The following ABCA13 variants were observed in gnomAD, a reference collection of about 807,000 sequenced individuals.
ABCA13 encodes ATP-binding cassette sub-family A member 13.
ABCA13 carries 476 observed loss-of-function variants against 478.7 expected under a neutral mutation model. That is an observed-to-expected ratio of 0.99 (90% CI 0.92 to 1.07). The LOEUF (loss-of-function observed/expected upper bound fraction) is 1.07, where lower values mean the gene tolerates loss of function less well. Among genes scored for constraint, ABCA13 ranks in the 50% least tolerant of loss-of-function variants. The pLI is 0.00. For missense variants in ABCA13, 6,060 were observed against 5,910.6 expected, an observed-to-expected ratio of 1.03 and a Z score of -0.83; for synonymous variants, 2,252 against 2,158.9, an observed-to-expected ratio of 1.04 and a Z score of -1.20.
rs200327749 is a variant in ABCA13, at chr7:48,272,603, G to T, written c.2937G>T (p.Gln979His). 3.1e-6 allele frequency: 5 copies of T among 1,613,080 alleles called. No individual in the cohort carries two copies. The Admixed American group carries it at 8.3e-5, about 27-fold the overall frequency. ...YRYIYELLNI[Q>H]SRGSSLTFLT... is the part of the protein sequence containing the mutation. Reference sequence around the variant, plus strand: ...ATATTTATGAATTATTGAATATTCAGAGTAGAGGCTCTTCGTTGACTTTCC... The same window carrying T: ...ATATTTATGAATTATTGAATATTCATAGTAGAGGCTCTTCGTTGACTTTCC... Residue 979 changes from glutamine to histidine, a missense_variant, in exon 17 of 62, where the codon CAG (glutamine) becomes CAT (histidine). This residue lies in a region of ABCA13 where 4,423 missense variants were observed against 4,309.1 expected (regional missense o/e 1.03). Coordinates refer to ENST00000435803, the MANE Select transcript of ABCA13 (RefSeq NM_152701.5).
chr7:48,644,658 A>G lies in ABCA13; in HGVS notation c.14985A>G (p.Arg4995=), dbSNP rs1795322842. ...LNLLEYHVPK[R]WGCLADLFKV... The stretch of plus-strand genomic sequence containing the variant: ...TATTAGAATATCATGTGCCAAAAAG[A>G]TGGGGATGCCTAGCTGACTTGTTCA... Residue 4995 remains arginine, a synonymous_variant, in exon 61 of 62, where the codon AGA becomes AGG. Coordinates refer to ENST00000435803, the MANE Select transcript of ABCA13 (RefSeq NM_152701.5). 10 of 1,607,904 alleles carry G rather than the reference A, an allele frequency of 6.2e-6. No homozygotes were observed. Among genetic ancestry groups the G allele is most frequent in the Non-Finnish European group, 8.5e-6 (10 of 1,177,894 alleles).
intron 38 of ABCA13, among the ~76,000 whole-genome samples, chr7:48,395,169 G>A (rs1816668772): frequency 6.6e-6 from 1 of 152,232 alleles, no homozygotes; most frequent in South Asian, 2.1e-4. Context: ...TGGGCATGAG[G>A]CCTCTGGAGA....
chr7:48,641,731 C>T (rs1795115631), intron 59 of ABCA13, among the ~76,000 whole-genome samples: 1 of 152,184 alleles, frequency 6.6e-6, no homozygotes, highest in South Asian at 2.1e-4. Context: ...CAGCTGAGAG[C>T]TCTCCCAGGA....
chr7:48,280,081 T>C (rs1796833142), intron 18 of ABCA13, among the ~76,000 whole-genome samples, 161 bp downstream of exon 18: 1 of 152,218 alleles, frequency 6.6e-6, no homozygotes, highest in Non-Finnish European at 1.5e-5. Context: ...TCAGGTCCAG[T>C]CATTCTTTTT....
intron 27 of ABCA13, among the ~76,000 whole-genome samples, chr7:48,327,142 A>G (rs1245385115): frequency 6.6e-6 from 1 of 152,162 alleles, no homozygotes; most frequent in African/African-American, 2.4e-5. Flanking sequence ...AATATGGGAA[A>G]CTGGGTAATT....
chr7:48,562,219 T>C lies in ABCA13; in HGVS notation c.14355-18005T>C, dbSNP rs1043100320. 1.3e-5 allele frequency among the ~76,000 whole-genome samples: 2 copies of C among 152,096 alleles called. 1 individual carries two copies. The highest frequency in any genetic ancestry group is 3.9e-4 in the East Asian group (2 of 5,188). Reference sequence around the variant, plus strand: ...GCAGTTGTGATAGTTTTTGGTTGTTTTAGTGCCACTCTTCACTTCTGTCTT... The same window carrying C: ...GCAGTTGTGATAGTTTTTGGTTGTTCTAGTGCCACTCTTCACTTCTGTCTT... On this transcript the variant is annotated intron_variant, in intron 55 of 61. Transcript: ENST00000435803.
At chr7:48,315,607 G>A (rs1459428300) in intron 26 of ABCA13, among the ~76,000 whole-genome samples, 1 of 151,898 alleles carries the variant, frequency 6.6e-6, no homozygotes, top group Non-Finnish European at 1.5e-5. Flanking sequence ...AGCCTCCCGA[G>A]TAGCTGGGAC....
intron 1 of ABCA13, among the ~76,000 whole-genome samples, 196 bp from the exon 2 acceptor site, chr7:48,192,763 G>A (rs1188213864): frequency 6.6e-6 from 1 of 152,062 alleles, no homozygotes; most frequent in Non-Finnish European, 1.5e-5. Flanking sequence ...GGTCTGATGG[G>A]AGAAGAACAA....
At chr7:48,403,601 T>G (rs532736252) in intron 38 of ABCA13, 82 bp from the exon 39 acceptor site, 6 of 1,373,874 alleles carry the variant, frequency 4.4e-6, no homozygotes, top group Non-Finnish European at 6.1e-6. Context: ...TCAGCCACTG[T>G]TAGTCATTAT....
chr7:48,403,949 A>G, intron 39 of ABCA13, 70 bp downstream of exon 39: 26 of 1,520,664 alleles, frequency 1.7e-5, no homozygotes, highest in Non-Finnish European at 2.2e-5. Context: ...TTGCTACTGT[A>G]CAGTAGAATC....
intron 41 of ABCA13, among the ~76,000 whole-genome samples, chr7:48,424,217 A>G (rs1045864359): frequency 1.3e-5 from 2 of 152,176 alleles, no homozygotes; most frequent in South Asian, 2.1e-4. Flanking sequence ...ATATGTTTTG[A>G]TCAGGACTTT....
At chr7:48,270,223 T>A (rs1004061478) in intron 16 of ABCA13, among the ~76,000 whole-genome samples, 53 of 152,116 alleles carry the variant, frequency 3.5e-4, no homozygotes, top group African/African-American at 1.2e-3. Flanking sequence ...TCATGCCACA[T>A]AATAACAGCT....
chr7:48,233,117 A>G (rs1241423724), intron 7 of ABCA13, among the ~76,000 whole-genome samples: 1 of 151,622 alleles, frequency 6.6e-6, no homozygotes, highest in Non-Finnish European at 1.5e-5. Flanking sequence ...CCCCATCTTT[A>G]ACACCTTCCT....
In ABCA13 at chr7:48,275,135, G is replaced by T. The variant is rs780840719; in HGVS notation, c.5469G>T (p.Trp1823Cys). The change falls in exon 17 of 62, where the codon TGG becomes TGT. Residue 1823 changes from tryptophan to cysteine, a missense_variant. By Grantham distance (215) the Trp-to-Cys change is radical. Coordinates refer to ENST00000435803, the MANE Select transcript of ABCA13 (RefSeq NM_152701.5). ...CTTTAGCTTGTTTTCCTGTGGTTTG[G>T]TGCTGGAATCACACAAATTCTGGAT... The part of the protein sequence containing the change: ...SEALACFPVV[W>C]CWNHTNSGFR... The T allele has an allele frequency of 6.2e-7, 1 of 1,613,692 alleles. No homozygotes were observed. The highest frequency in any genetic ancestry group is 1.7e-5 in the Admixed American group (1 of 59,948).
At chr7:48,301,338 G>A (rs756224347) in intron 23 of ABCA13, among the ~76,000 whole-genome samples, 10 of 152,158 alleles carry the variant, frequency 6.6e-5, no homozygotes, top group South Asian at 2.1e-4. Context: ...TGGTTCTGTC[G>A]GTTGCGACAT....
intron 55 of ABCA13, among the ~76,000 whole-genome samples, chr7:48,566,659 C>A (rs1356143287): frequency 6.6e-6 from 1 of 152,084 alleles, no homozygotes; most frequent in African/African-American, 2.4e-5. Context: ...CAAGGCTGTA[C>A]CCACTTAGTG....
chr7:48,602,403 A>T (rs1790992233), intron 58 of ABCA13, among the ~76,000 whole-genome samples: 1 of 152,154 alleles, frequency 6.6e-6, no homozygotes, highest in Non-Finnish European at 1.5e-5. Flanking sequence ...TTTTCCTATA[A>T]GGTGTAAGGA....
chr7:48,434,949 A>T (rs1822633116), intron 42 of ABCA13, among the ~76,000 whole-genome samples: 1 of 151,718 alleles, frequency 6.6e-6, no homozygotes, highest in African/African-American at 2.4e-5. Flanking sequence ...GAATTCTCCA[A>T]ATTTCTTCAT....
chr7:48,193,654 A>G (rs1412320818), intron 2 of ABCA13, among the ~76,000 whole-genome samples: 1 of 151,644 alleles, frequency 6.6e-6, no homozygotes, highest in African/African-American at 2.4e-5. Flanking sequence ...TATGATGATG[A>G]TGATGATGGA....
Sources: gnomAD v4.1 joint callset for allele counts (sites outside exome capture counted in the v4.1 genomes callset) on GRCh38, gnomAD v4.1.1 for gene constraint, gnomAD v4.1.1 regional missense constraint, MANE v1.5 for transcripts, NCBI Gene and HGNC (gene_info 2026-07-23, HGNC 2026-07-21) for gene names.